Variants in DNAH14 observed in about 807,000 individuals in gnomAD.
The protein encoded by DNAH14 is dynein axonemal heavy chain 14, also known as axonemal beta dynein heavy chain 14.
In DNAH14, 478 loss-of-function variants were observed where a neutral mutation model predicts 520.9. The observed-to-expected ratio is 0.92, with a 90% CI of 0.85 to 0.99. DNAH14 has a LOEUF of 0.99. DNAH14 is among the 50% of genes least tolerant of loss of function. DNAH14 has a pLI of 0.00. For missense variants in DNAH14, 4,831 were observed against 5,234.5 expected, an observed-to-expected ratio of 0.92 and a Z score of 2.38; for synonymous variants, 1,581 against 1,757.2, an observed-to-expected ratio of 0.90 and a Z score of 2.51.
chr1:225,246,491 C>A (rs532515798), intron 43 of DNAH14, among the ~76,000 whole-genome samples: 36 of 152,170 alleles, frequency 2.4e-4, no homozygotes, highest in Non-Finnish European at 2.4e-4. Context: ...TGATAAGGGG[C>A]TAACATCCAG....
intron 44 of DNAH14, 47 bp from the exon 45 acceptor site, chr1:225,257,913 T>A: frequency 1.5e-6 from 2 of 1,328,132 alleles, no homozygotes; most frequent in Non-Finnish European, 1.0e-6. Flanking sequence ...ATGAGGTGAA[T>A]AGTACTTTCT....
intron 43 of DNAH14, among the ~76,000 whole-genome samples, chr1:225,243,973 G>A (rs1184773422): frequency 6.6e-6 from 1 of 151,994 alleles, no homozygotes; most frequent in Non-Finnish European, 1.5e-5. Flanking sequence ...TATGATATTG[G>A]CTATGGGTTT....
At chr1:225,308,240 A>G in intron 59 of DNAH14, 45 bp from the exon 60 acceptor site, 2 of 1,501,824 alleles carry the variant, frequency 1.3e-6, no homozygotes, top group Non-Finnish European at 1.8e-6. Flanking sequence ...AAAAGAGATC[A>G]TGTCTCTTAA....
intron 7 of DNAH14, among the ~76,000 whole-genome samples, chr1:224,973,820 A>G (rs1353481782): frequency 2.0e-5 from 3 of 152,164 alleles, no homozygotes; most frequent in Non-Finnish European, 4.4e-5. Context: ...GTATTTTAAA[A>G]ATAATTTTTA....
chr1:225,288,940 T>C (rs888270508), intron 54 of DNAH14, among the ~76,000 whole-genome samples: 7 of 152,160 alleles, frequency 4.6e-5, no homozygotes, highest in Non-Finnish European at 8.8e-5. Context: ...TACCACATAA[T>C]TGAGCAATTC....
At chr1:225,391,861 G>A (rs1226412781) in intron 83 of DNAH14, among the ~76,000 whole-genome samples, 1 of 152,116 alleles carries the variant, frequency 6.6e-6, no homozygotes, top group Non-Finnish European at 1.5e-5. Context: ...AGGCAACAGA[G>A]CCTTCCTTTT....
intron 7 of DNAH14, among the ~76,000 whole-genome samples, chr1:224,973,256 G>C (rs986233134): frequency 1.3e-5 from 2 of 152,184 alleles, no homozygotes; most frequent in African/African-American, 2.4e-5. Context: ...ATTAGCCAAC[G>C]TCATCACTAG....
chr1:225,047,838 A>T (rs540493151), intron 15 of DNAH14, among the ~76,000 whole-genome samples: 2 of 152,190 alleles, frequency 1.3e-5, no homozygotes, highest in Admixed American at 6.5e-5. Flanking sequence ...ACCCTCTTCA[A>T]TGAGGTTATG....
chr1:225,334,748 A>G, intron 66 of DNAH14, among the ~76,000 whole-genome samples: 1 of 151,760 alleles, frequency 6.6e-6, no homozygotes, highest in Admixed American at 6.6e-5. Flanking sequence ...ACGTGCCTAT[A>G]GTCCTAACTA....
intron 8 of DNAH14, among the ~76,000 whole-genome samples, chr1:224,999,351 C>T (rs534436545): frequency 5.1e-4 from 78 of 152,050 alleles, no homozygotes; most frequent in African/African-American, 1.4e-3. Flanking sequence ...GGATTACAGG[C>T]GCACACCACC....
chr1:225,051,314 G>A (rs2068514190), intron 16 of DNAH14, 137 bp from the exon 17 acceptor site: 3 of 592,448 alleles, frequency 5.1e-6, no homozygotes, highest in East Asian at 3.3e-5. Context: ...AACATATTTC[G>A]ATTTTTAATA....
At chr1:225,335,151 A>ATGTGTGCT (rs1342279465) in intron 66 of DNAH14, among the ~76,000 whole-genome samples, 20 of 146,930 alleles carry the variant, frequency 1.4e-4, no homozygotes, top group Non-Finnish European at 2.7e-4. Flanking sequence ...ACATGTGTAC[A>ATGTGTGCT]TGTGTGCATG....
At chr1:225,137,579 C>T (rs2079060119) in intron 27 of DNAH14, among the ~76,000 whole-genome samples, 1 of 152,200 alleles carries the variant, frequency 6.6e-6, no homozygotes, top group Non-Finnish European at 1.5e-5. Context: ...TGGTCTTGAA[C>T]TCCTGACCTC....
At chr1:225,182,683 G>A (rs1182962806) in intron 36 of DNAH14, among the ~76,000 whole-genome samples, 1 of 152,130 alleles carries the variant, frequency 6.6e-6, no homozygotes, top group Non-Finnish European at 1.5e-5. Context: ...AGGAAAGTGT[G>A]TGAGACTTTG....
chr1:225,263,186 T>A (rs1327348508), intron 46 of DNAH14, among the ~76,000 whole-genome samples: 4 of 150,688 alleles, frequency 2.7e-5, no homozygotes, highest in East Asian at 1.9e-4. Flanking sequence ...TATCCTACTA[T>A]GCGAGATATA....
intron 41 of DNAH14, among the ~76,000 whole-genome samples, chr1:225,220,474 C>G (rs1291373133): frequency 2.6e-5 from 4 of 152,284 alleles, no homozygotes; most frequent in Admixed American, 6.5e-5. Flanking sequence ...GATACAAAAT[C>G]AACGTGCAAA....
At chr1:225,135,336 A>G (rs1407774284) in intron 27 of DNAH14, among the ~76,000 whole-genome samples, 1 of 152,102 alleles carries the variant, frequency 6.6e-6, no homozygotes, top group Non-Finnish European at 1.5e-5. Context: ...TGTGTCCCAG[A>G]GATTCTGGTA....
chr1:225,082,722 A>T lies in DNAH14; in HGVS notation c.3310A>T (p.Asn1104Tyr), dbSNP rs201015646. 3.6e-3 allele frequency: 5,618 copies of T among 1,547,176 alleles called. 20 individuals are homozygous for T. Among genetic ancestry groups the T allele is most frequent in the Middle Eastern group, 7.4e-3 (44 of 5,954 alleles). The change falls in exon 20 of 86, where the codon AAT (asparagine) becomes TAT (tyrosine). Residue 1104 changes from asparagine (N) to tyrosine (Y), a missense_variant. Transcript: ENST00000682510. Reference sequence around the variant, plus strand: ...GCTTGATAAAAACTGTAAAGTAGAGAATCTTCTAGCTCTCAAGGTAAATAA... The same window carrying T: ...GCTTGATAAAAACTGTAAAGTAGAGTATCTTCTAGCTCTCAAGGTAAATAA... ...VPLDKNCKVE[N>Y]LLALKMFQYE...
At chr1:225,043,856 G>C in intron 14 of DNAH14, 30 bp from the exon 15 acceptor site, 1 of 1,483,632 alleles carries the variant, frequency 6.7e-7, no homozygotes, top group South Asian at 1.2e-5. Context: ...ATATTCCTCT[G>C]AAATATGCTT....
Sources: gnomAD v4.1 joint callset for allele counts (sites outside exome capture counted in the v4.1 genomes callset) on GRCh38, gnomAD v4.1.1 for gene constraint, MANE v1.5 for transcripts, NCBI Gene and HGNC (gene_info 2026-07-23, HGNC 2026-07-21) for gene names.